ZC3H12B: variants seen among roughly 807,000 people sequenced by gnomAD.
ZC3H12B encodes zinc finger CCCH-type containing 12B.
In ZC3H12B, 7 loss-of-function variants were observed where a neutral mutation model predicts 43.9. The ratio of observed to expected loss-of-function variants is 0.16; its 90% CI spans 0.09 to 0.30. The LOEUF is 0.30. ZC3H12B is among the 10% of genes least tolerant of loss of function. The pLI, the probability that ZC3H12B is intolerant of heterozygous loss-of-function variation, is 1.00. For missense variants in ZC3H12B, 475 were observed against 670.2 expected (o/e 0.71, Z 3.22); for synonymous variants, 222 against 241.7 (o/e 0.92, Z 0.76).
the ZC3H12B span, among the ~76,000 whole-genome samples, chrX:65,149,764 AAATAAT>A: frequency 0.22 from 18,888 of 85,082 alleles, 1,914 homozygotes; most frequent in Middle Eastern, 0.28. Context: ...ACTTAATCTC[AAATAAT>A]AATAATAATA....
At chrX:65,369,753 A>G (rs2066220912) in intron 2 of ZC3H12B, among the ~76,000 whole-genome samples, 1 of 111,839 alleles carries the variant, frequency 8.9e-6, no homozygotes, top group Admixed American at 9.6e-5. Context: ...GTGAGAACCA[A>G]AATTTCCAGA....
At chrX:65,250,934 T>G in the ZC3H12B span, among the ~76,000 whole-genome samples, 3 of 111,852 alleles carry the variant, frequency 2.7e-5, no homozygotes, top group Non-Finnish European at 5.6e-5. Context: ...AGAAGCTCTT[T>G]AGTTTAATTA....
intron 3 of ZC3H12B, among the ~76,000 whole-genome samples, chrX:65,401,796 G>A (rs756190462): frequency 1.7e-3 from 191 of 111,656 alleles, no homozygotes; most frequent in African/African-American, 5.9e-3. Context: ...CCCATTTCAG[G>A]CTCTAGTTTC....
chrX:65,335,381 C>T, the ZC3H12B span, among the ~76,000 whole-genome samples: 3 of 111,790 alleles, frequency 2.7e-5, no homozygotes, highest in East Asian at 8.4e-4. Flanking sequence ...TTTAGCCAGG[C>T]CAAACAGCCA....
intron 3 of ZC3H12B, among the ~76,000 whole-genome samples, chrX:65,456,993 C>T (rs1168309498): frequency 4.2e-5 from 4 of 95,323 alleles, no homozygotes; most frequent in Admixed American, 1.1e-4. Flanking sequence ...ATCTAGGAAG[C>T]GAGGAGCGCC....
the ZC3H12B span, among the ~76,000 whole-genome samples, chrX:65,140,207 G>T: frequency 3.6e-5 from 4 of 111,488 alleles, no homozygotes; most frequent in Non-Finnish European, 5.7e-5. Context: ...TTACTGTTGA[G>T]TAGAGTATGA....
the ZC3H12B span, among the ~76,000 whole-genome samples, chrX:65,197,510 G>C: frequency 3.6e-5 from 4 of 112,109 alleles, no homozygotes; most frequent in Admixed American, 9.4e-5. Flanking sequence ...CATTACAAAA[G>C]GCCAATGAGT....
chrX:65,306,501 T>G, the ZC3H12B span, among the ~76,000 whole-genome samples: 4 of 110,775 alleles, frequency 3.6e-5, no homozygotes, highest in East Asian at 1.1e-3. Context: ...GCCTCCCGAG[T>G]AGCTGGGACT....
chrX:65,347,307 G>T, the ZC3H12B span, among the ~76,000 whole-genome samples: 2 of 111,292 alleles, frequency 1.8e-5, no homozygotes, highest in Admixed American at 9.5e-5. Context: ...AGAGACCAAA[G>T]GTAGATAAAA....
At chrX:65,348,590 C>G in the ZC3H12B span, among the ~76,000 whole-genome samples, 2 of 109,505 alleles carry the variant, frequency 1.8e-5, no homozygotes, top group African/African-American at 6.7e-5. Flanking sequence ...GAGTCAAGAC[C>G]CATCAGTGTC....
At chrX:65,248,268 T>C in the ZC3H12B span, among the ~76,000 whole-genome samples, 3 of 111,170 alleles carry the variant, frequency 2.7e-5, no homozygotes, top group African/African-American at 6.5e-5. Flanking sequence ...GAACTCCTGA[T>C]TTCAGGTGAC....
chrX:65,417,139 C>T (rs5964969), intron 3 of ZC3H12B, among the ~76,000 whole-genome samples: 13,674 of 111,327 alleles, frequency 0.12, 2,003 homozygotes, highest in African/African-American at 0.41. Context: ...ATATTCTGTT[C>T]GAATAGGTCT....
the ZC3H12B span, among the ~76,000 whole-genome samples, chrX:65,276,183 G>C: frequency 1.8e-5 from 2 of 111,626 alleles, no homozygotes; most frequent in Non-Finnish European, 3.8e-5. Context: ...AATTAAGAAA[G>C]CCTACAGGAT....
the ZC3H12B span, among the ~76,000 whole-genome samples, chrX:65,251,930 T>A: frequency 9.0e-6 from 1 of 111,589 alleles, no homozygotes; most frequent in Non-Finnish European, 1.9e-5. Flanking sequence ...CCTTTATTAC[T>A]TTCTCCTTCC....
intron 2 of ZC3H12B, among the ~76,000 whole-genome samples, chrX:65,392,619 C>T (rs988862835): frequency 3.6e-5 from 4 of 111,128 alleles, no homozygotes; most frequent in Non-Finnish European, 5.7e-5. Flanking sequence ...GCAGCCGCCC[C>T]GTCTGGGAGG....
At chrX:65,117,742 C>T in the ZC3H12B span, among the ~76,000 whole-genome samples, 1 of 111,342 alleles carries the variant, frequency 9.0e-6, no homozygotes, top group South Asian at 3.7e-4. Flanking sequence ...TTTTGTATAA[C>T]GTATAAGGAA....
chrX:65,189,202 G>C, the ZC3H12B span, among the ~76,000 whole-genome samples: 1 of 105,201 alleles, frequency 9.5e-6, no homozygotes, highest in African/African-American at 3.6e-5. Context: ...ATCATTGTTG[G>C]ACATGTGGGT....
chrX:65,230,314 C>T, the ZC3H12B span, among the ~76,000 whole-genome samples: 1 of 108,310 alleles, frequency 9.2e-6, no homozygotes, highest in Admixed American at 1.0e-4. Context: ...TTTTCTCACT[C>T]ATCGGTGGGA....
the ZC3H12B span, among the ~76,000 whole-genome samples, chrX:65,350,051 C>CA: frequency 9.0e-6 from 1 of 111,320 alleles, no homozygotes; most frequent in African/African-American, 3.3e-5. Flanking sequence ...AGAGACACAA[C>CA]AAAAAAAGAA....
Sources: gnomAD v4.1 joint callset for allele counts (sites outside exome capture counted in the v4.1 genomes callset) on GRCh38, gnomAD v4.1.1 for gene constraint, MANE v1.5 for transcripts, NCBI Gene and HGNC (gene_info 2026-07-23, HGNC 2026-07-21) for gene names.